CERCAM: variants seen among roughly 807,000 people sequenced by gnomAD.
CERCAM encodes the protein cerebral endothelial cell adhesion molecule.
CERCAM carries 59 observed loss-of-function variants against 66.0 expected under a neutral mutation model. That is an observed-to-expected ratio of 0.89 (90% CI 0.73 to 1.11). CERCAM has a LOEUF of 1.11. Ranked by LOEUF, CERCAM falls within the 50% of genes most tolerant of loss-of-function variation. CERCAM has a pLI of 0.00. For missense variants in CERCAM, 840 were observed against 828.3 expected (o/e 1.01, Z -0.17); for synonymous variants, 318 against 343.6 (o/e 0.93, Z 0.83).
rs887894642 is a variant in CERCAM, at chr9:128,437,023, T to G, written c.*175T>G. ...TCGGGAGAAACCACTCAGAGATGGA[T>G]CCCATTCCCTAAAGGTCTCACAGCA... is the stretch of plus-strand genomic sequence containing the variant. On this transcript the variant is annotated 3_prime_UTR_variant, in exon 13 of 13. Coordinates refer to ENST00000372838, the MANE Select transcript of CERCAM (RefSeq NM_016174.5). 9.2e-5 allele frequency: 14 copies of G among 152,298 alleles called. No individual in the cohort carries two copies. The highest frequency in any genetic ancestry group is 2.9e-4 in the African/African-American group (12 of 41,418). 9.4% of individuals were successfully genotyped at this position (152,298 alleles called of 1,614,324 possible).
chr9:128,435,627 C>G, intron 11 of CERCAM, 26 bp from the exon 12 acceptor site: 4 of 1,572,456 alleles, frequency 2.5e-6, no homozygotes, highest in Non-Finnish European at 3.5e-6. Context: ...GCCTCAATCC[C>G]CCTGAGCTAT....
upstream of CERCAM, chr9:128,420,672 CG>C (rs904217704): frequency 3.9e-5 from 9 of 230,712 alleles, no homozygotes; most frequent in African/African-American, 2.1e-4. This position sits in a 1 kb window ranked among gnomAD's most constrained non-coding sequence, Gnocchi z 5.0. Context: ...CGCGGGTCCC[CG>C]GGCCCTGGCC....
At chr9:128,425,598 G>A (rs1429110823) in intron 5 of CERCAM, among the ~76,000 whole-genome samples, 1 of 150,996 alleles carries the variant, frequency 6.6e-6, no homozygotes, top group Non-Finnish European at 1.5e-5. Context: ...TGCAACCTCT[G>A]CCTTCCGGGT....
rs375319496 is a variant in CERCAM at position 128,434,391 on chromosome 9, C to A, written c.1332-19C>A. The A allele has an allele frequency of 1.9e-4, 307 of 1,612,608 alleles. No homozygotes were observed. Among genetic ancestry groups the A allele is most frequent in the Non-Finnish European group, 2.5e-4 (290 of 1,179,140 alleles). On this transcript the variant is annotated intron_variant, in intron 10 of 12. Coordinates refer to ENST00000372838, the MANE Select transcript of CERCAM (RefSeq NM_016174.5). The surrounding 1 kb of genome is among the most constrained non-coding windows in gnomAD (Gnocchi z 4.5). ...CCCAGGACCTAAGTGACTCCTGGGC[C>A]CCTTGGTGTCACTTACAGCTACCTC... is the stretch of plus-strand genomic sequence containing the variant.
In CERCAM at chr9:128,434,084, C is replaced by A; in HGVS notation, c.1204-18C>A. The A allele has an allele frequency of 3.1e-6, 5 of 1,613,592 alleles. No individual in the cohort carries two copies. Among genetic ancestry groups the A allele is most frequent in the Non-Finnish European group, 4.2e-6 (5 of 1,179,732 alleles). ...TTTAACTCCGAAGAGCCATCTCCCA[C>A]CCCATTGTATGCCACAGGTGGTTGC... On this transcript the variant is annotated intron_variant, in intron 9 of 12. Coordinates refer to ENST00000372838, the MANE Select transcript of CERCAM (RefSeq NM_016174.5). This position sits in a 1 kb window ranked among gnomAD's most constrained non-coding sequence, Gnocchi z 4.5.
chr9:128,428,877 G>T (rs202041123), intron 7 of CERCAM, 44 bp downstream of exon 7: 1 of 1,603,074 alleles, frequency 6.2e-7, no homozygotes, highest in East Asian at 2.2e-5. Context: ...AGGTGGATGG[G>T]CCCTCCTCTT....
At chr9:128,426,158 C>T (rs1040437748) in intron 5 of CERCAM, among the ~76,000 whole-genome samples, 45 of 152,114 alleles carry the variant, frequency 3.0e-4, no homozygotes, top group Admixed American at 3.9e-4. Flanking sequence ...TGTTGGCCCA[C>T]GCCTGTAGTC....
At chr9:128,428,457 C>T (rs1257754075) in intron 6 of CERCAM, 36 bp downstream of exon 6, 5 of 1,610,734 alleles carry the variant, frequency 3.1e-6, no homozygotes, top group Admixed American at 3.4e-5. Flanking sequence ...CACCTGCTGC[C>T]GGGGCTCCCT....
At position 128,428,414 on chromosome 9, in the gene CERCAM, A is replaced by G; in HGVS notation, c.879A>G (p.Glu293=). The change falls in exon 6 of 13, where the codon GAA becomes GAG. Residue 293 remains glutamate (E), a synonymous_variant. Coordinates refer to ENST00000372838, the MANE Select transcript of CERCAM (RefSeq NM_016174.5). ...ERVNFIHLIL[E]ALVDGPRMQA... is the part of the protein sequence containing the mutation. ...TCAACTTCATCCACCTGATCTTAGA[A>G]GCACTAGGTGAGGGCTGGGGAACTG... 1 of 1,614,068 alleles carries G rather than the reference A, an allele frequency of 6.2e-7. No homozygotes were observed. The highest frequency in any genetic ancestry group is 8.5e-7 in the Non-Finnish European group (1 of 1,179,978).
chr9:128,428,671 G>A, intron 6 of CERCAM, 86 bp from the exon 7 acceptor site: 1 of 1,451,730 alleles, frequency 6.9e-7, no homozygotes, highest in East Asian at 2.3e-5. Flanking sequence ...AAAGGGGGCA[G>A]GAATGAGGCT....
chr9:128,435,564 G>C (rs1834088330), intron 11 of CERCAM, 89 bp from the exon 12 acceptor site: 6 of 1,444,554 alleles, frequency 4.2e-6, no homozygotes, highest in Non-Finnish European at 5.6e-6. Flanking sequence ...AGGTGCTTTG[G>C]GCAGGCAAGG....
intron 5 of CERCAM, among the ~76,000 whole-genome samples, chr9:128,426,269 C>T (rs1025359564): frequency 1.3e-5 from 2 of 150,866 alleles, no homozygotes; most frequent in Non-Finnish European, 3.0e-5. Flanking sequence ...TTGGGCAACA[C>T]AAGATGAGAC....
rs1217591194 is a variant in CERCAM at position 128,424,596 on chromosome 9, T to A, written c.748T>A (p.Tyr250Asn). The A allele has an allele frequency of 6.2e-7, 1 of 1,614,158 alleles. No homozygotes were observed. The change falls in exon 5 of 13, where the codon TAT becomes AAT. Residue 250 changes from tyrosine to asparagine, a missense_variant. Physicochemically the swap from Tyr to Asn is moderately radical, Grantham distance 143. Transcript: ENST00000372838. Reference sequence around the variant, plus strand: ...TTTCGACGACATCATCGTCTTCGCCTATGCCTGCCAGGCTGCTGGTGAGGA... The same window carrying A: ...TTTCGACGACATCATCGTCTTCGCCAATGCCTGCCAGGCTGCTGGTGAGGA... ...WPFDDIIVFA[Y>N]ACQAAGVSVH...
intron 1 of CERCAM, chr9:128,422,648 C>T: frequency 1.8e-6 from 1 of 544,020 alleles, no homozygotes; most frequent in Non-Finnish European, 3.3e-6. Context: ...GGACGTGAAG[C>T]CCAGAGAAAG....
chr9:128,432,166 C>T (rs895165323), intron 9 of CERCAM, among the ~76,000 whole-genome samples: 1 of 152,056 alleles, frequency 6.6e-6, no homozygotes, highest in Admixed American at 6.6e-5. Context: ...TCTGGGATTA[C>T]AGGCATGTGC....
chr9:128,424,172 A>C lies in CERCAM; in HGVS notation c.461A>C (p.Gln154Pro). The part of the protein sequence containing the change: ...ADTDNILTNN[Q>P]TLRLLMGQGL... ...ACAGACAACATTCTGACCAACAATC[A>C]GACTCTGCGGCTTCTCATGGGGCAG... Residue 154 changes from glutamine to proline, a missense_variant, in exon 4 of 13, where the codon CAG (glutamine) becomes CCG (proline). Coordinates refer to ENST00000372838, the MANE Select transcript of CERCAM (RefSeq NM_016174.5). 1 of 1,614,124 alleles carries C rather than the reference A, an allele frequency of 6.2e-7. No homozygotes were observed. The highest frequency in any genetic ancestry group is 8.5e-7 in the Non-Finnish European group (1 of 1,180,008).
In CERCAM at chr9:128,435,794, C is replaced by T. The variant is rs148076888; in HGVS notation, c.1677C>T (p.Ser559=). The T allele has an allele frequency of 1.3e-4, 210 of 1,612,516 alleles. 1 individual carries two copies. The highest frequency in any genetic ancestry group is 1.6e-4 in the Non-Finnish European group (191 of 1,179,606). ...TETSSPWDDD[S]GRLISWSGSQ... ...CATCCTCTCCATGGGATGATGACAG[C>T]GGCCGCCTCATCAGCTGGAGCGGCT... Residue 559 remains serine, a synonymous_variant, in exon 12 of 13, where the codon AGC becomes AGT. Transcript: ENST00000372838.
At chr9:128,436,219 C>A (rs1318120149) in intron 12 of CERCAM, among the ~76,000 whole-genome samples, 2 of 151,910 alleles carry the variant, frequency 1.3e-5, no homozygotes. Context: ...CAAGGCCTGG[C>A]TAATTTTTCT....
At position 128,434,480 on chromosome 9, in the gene CERCAM, G is replaced by C; in HGVS notation, c.1402G>C (p.Ala468Pro). 4 of 1,613,892 alleles carry C rather than the reference G, an allele frequency of 2.5e-6. No individual in the cohort carries two copies. Among genetic ancestry groups the C allele is most frequent in the Non-Finnish European group, 3.4e-6 (4 of 1,180,026 alleles). Residue 468 changes from alanine to proline, a missense_variant, in exon 11 of 13, where the codon GCT becomes CCT. Physicochemically the swap from Ala to Pro is conservative, Grantham distance 27 (BLOSUM62 -1). Transcript: ENST00000372838. The surrounding 1 kb of genome is among the most constrained non-coding windows in gnomAD (Gnocchi z 4.5). ...AVEGLPGLVVAGYSYWTLAYA... is the reference protein window; with the variant it reads ...AVEGLPGLVVPGYSYWTLAYA... ...GGAGGGGCTGCCGGGCCTGGTGGTG[G>C]CTGGGTACTCCTACTGGACGCTGGC... is the stretch of plus-strand genomic sequence containing the variant.
Sources: allele counts gnomAD v4.1 joint callset (sites outside exome capture counted in the v4.1 genomes callset), GRCh38; gene constraint gnomAD v4.1.1; non-coding constraint Gnocchi (gnomAD v3.1); transcripts MANE v1.5; gene names NCBI Gene and HGNC (gene_info 2026-07-23, HGNC 2026-07-21).